The following GPM6A variants were observed in gnomAD, a reference collection of about 807,000 sequenced individuals.
GPM6A encodes glycoprotein M6A.
A neutral mutation model predicts 32.1 loss-of-function variants in GPM6A; 7 were observed. That is an observed-to-expected ratio of 0.22 (90% CI 0.12 to 0.41). The LOEUF (loss-of-function observed/expected upper bound fraction) is 0.41. Among genes scored for constraint, GPM6A ranks in the 10% least tolerant of loss-of-function variants. The pLI is 1.00. For synonymous variants in GPM6A, 130 were observed against 123.4 expected (o/e 1.05, Z -0.35); for missense variants, 235 against 347.2 (o/e 0.68, Z 2.57).
At chr4:175,809,798 C>T (rs1004762094) in intron 1 of GPM6A, among the ~76,000 whole-genome samples, 1 of 152,122 alleles carries the variant, frequency 6.6e-6, no homozygotes, top group Non-Finnish European at 1.5e-5. Context: ...AATGCTTAAA[C>T]ACCAAGTATA....
At chr4:175,959,765 G>A (rs1740108230) in intron 1 of GPM6A, among the ~76,000 whole-genome samples, 1 of 152,174 alleles carries the variant, frequency 6.6e-6, no homozygotes, top group African/African-American at 2.4e-5. Context: ...AACTATTTTA[G>A]AGGTAATATA....
rs535929631 is a variant in GPM6A, at chr4:175,841,597, A to T, written c.-22-29348T>A. 6.6e-4 allele frequency among the ~76,000 whole-genome samples: 100 copies of T among 152,328 alleles called. 1 individual carries two copies. Among genetic ancestry groups the T allele is most frequent in the Non-Finnish European group, 1.4e-3 (93 of 68,030 alleles). On this transcript the variant is annotated intron_variant, in intron 1 of 7. Coordinates refer to the GPM6A transcript ENST00000280187. ...ATTTCCATGACAACAGAAACAGAGC[A>T]TTAAAGGGCCAGCACACTTCTGCAA...
intron 3 of GPM6A, among the ~76,000 whole-genome samples, chr4:175,663,507 G>T (rs1410429587): frequency 2.6e-5 from 4 of 152,088 alleles, no homozygotes; most frequent in Non-Finnish European, 5.9e-5. Context: ...CTTGAAAATG[G>T]TTAAGAGAGT....
chr4:175,813,369 A>G (rs1278767633), upstream of GPM6A, among the ~76,000 whole-genome samples: 1 of 152,248 alleles, frequency 6.6e-6, no homozygotes, highest in Non-Finnish European at 1.5e-5. Context: ...ACTGAGTGAC[A>G]GGGCACAGTC....
At chr4:175,687,122 A>G (rs1196517170) in intron 2 of GPM6A, among the ~76,000 whole-genome samples, 1 of 152,202 alleles carries the variant, frequency 6.6e-6, no homozygotes, top group Non-Finnish European at 1.5e-5. Context: ...CTACTTTAGA[A>G]TGTTTAGGGT....
At chr4:175,709,671 T>C (rs892722811) in intron 1 of GPM6A, among the ~76,000 whole-genome samples, 1 of 143,914 alleles carries the variant, frequency 6.9e-6, no homozygotes, top group African/African-American at 2.6e-5. Flanking sequence ...GAAGTTTCAG[T>C]GAGCCGAGAT....
chr4:175,675,366 A>G (rs1484299048), intron 2 of GPM6A, among the ~76,000 whole-genome samples: 1 of 151,970 alleles, frequency 6.6e-6, no homozygotes, highest in Non-Finnish European at 1.5e-5. Flanking sequence ...ATGCTATGCA[A>G]TAGTTGCTTA....
intron 1 of GPM6A, among the ~76,000 whole-genome samples, chr4:175,744,748 T>C (rs1429445050): frequency 6.6e-6 from 1 of 152,154 alleles, no homozygotes; most frequent in East Asian, 1.9e-4. Flanking sequence ...ACCTTCAACG[T>C]TAGCTGTCCA....
chr4:175,682,562 C>T (rs1362360657), intron 2 of GPM6A, among the ~76,000 whole-genome samples: 1 of 152,136 alleles, frequency 6.6e-6, no homozygotes, highest in African/African-American at 2.4e-5. Context: ...ATCACAGGCC[C>T]AGAGGCCTAG....
At chr4:175,721,163 A>ATATATATATATATATATATT (rs1746112145) in intron 1 of GPM6A, among the ~76,000 whole-genome samples, 1 of 145,890 alleles carries the variant, frequency 6.9e-6, no homozygotes, top group Non-Finnish European at 1.5e-5. Context: ...ATATATATAT[A>ATATATATATATATATATATT]TATTTTCTAT....
intron 1 of GPM6A, among the ~76,000 whole-genome samples, chr4:175,769,383 G>A (rs947556231): frequency 2.0e-5 from 3 of 152,150 alleles, no homozygotes; most frequent in African/African-American, 7.2e-5. Context: ...ATTCTAGGAT[G>A]TATAATTGAT....
chr4:175,887,410 G>A (rs188750286), intron 1 of GPM6A, among the ~76,000 whole-genome samples: 223 of 152,014 alleles, frequency 1.5e-3, no homozygotes, highest in African/African-American at 5.0e-3. Flanking sequence ...GTACAGGAAT[G>A]CAGATTAAAC....
At chr4:175,773,045 T>A (rs553495190) in intron 1 of GPM6A, among the ~76,000 whole-genome samples, 54 of 152,360 alleles carry the variant, frequency 3.5e-4, no homozygotes, top group Admixed American at 6.5e-4. Context: ...ATTTGTGTAA[T>A]CTTCATTTTG....
At chr4:175,816,169 C>T (rs1735094725), upstream of GPM6A, among the ~76,000 whole-genome samples, 1 of 152,104 alleles carries the variant, frequency 6.6e-6, no homozygotes, top group Admixed American at 6.5e-5. Context: ...GCAGCCTGGG[C>T]CACAGGGTAG....
At chr4:175,825,385 T>C (rs1193181789) in intron 1 of GPM6A, among the ~76,000 whole-genome samples, 2 of 152,194 alleles carry the variant, frequency 1.3e-5, no homozygotes. Context: ...ATTGATTATA[T>C]ATTGAGTGCT....
intron 1 of GPM6A, among the ~76,000 whole-genome samples, chr4:175,993,679 A>T (rs956679170): frequency 2.0e-5 from 3 of 152,204 alleles, no homozygotes; most frequent in Non-Finnish European, 2.9e-5. Flanking sequence ...GTCATAGGCA[A>T]ATAGCTTGAT....
chr4:175,998,199 GC>G (rs1730568778), intron 1 of GPM6A, among the ~76,000 whole-genome samples: 1 of 151,794 alleles, frequency 6.6e-6, no homozygotes, highest in South Asian at 2.1e-4. Flanking sequence ...TGTTGTCCAG[GC>G]TGGAGTGTAG....
At chr4:175,994,441 C>T (rs1001225476) in intron 1 of GPM6A, among the ~76,000 whole-genome samples, 1 of 152,152 alleles carries the variant, frequency 6.6e-6, no homozygotes, top group Admixed American at 6.5e-5. Context: ...AAGCAAGTCA[C>T]ATGAATTTTT....
intron 3 of GPM6A, among the ~76,000 whole-genome samples, chr4:175,662,212 C>T (rs375245852): frequency 1.4e-4 from 22 of 152,162 alleles, no homozygotes; most frequent in African/African-American, 3.6e-4. Flanking sequence ...GGGGTTTTGA[C>T]GGAAGGGAGT....
Sources: allele counts gnomAD v4.1 joint callset (sites outside exome capture counted in the v4.1 genomes callset), GRCh38; gene constraint gnomAD v4.1.1; transcripts MANE v1.5; gene names NCBI Gene and HGNC (gene_info 2026-07-23, HGNC 2026-07-21).